RC3H1: variants seen among roughly 807,000 people sequenced by gnomAD.
RC3H1 encodes the protein ring finger and CCCH-type domains 1.
RC3H1 carries 50 observed loss-of-function variants against 138.2 expected under a neutral mutation model. The observed-to-expected ratio is 0.36, with a 90% CI of 0.29 to 0.46. RC3H1 has a LOEUF of 0.46. RC3H1 is among the 20% of genes least tolerant of loss of function. The probability of loss-of-function intolerance (pLI) is 1.00; values close to 1 mark genes in which losing one functional copy is unlikely to be tolerated. For missense variants in RC3H1, 1,031 were observed against 1,388.1 expected, an observed-to-expected ratio of 0.74 and a Z score of 4.09; for synonymous variants, 462 against 489.1, an observed-to-expected ratio of 0.94 and a Z score of 0.73.
rs532727915 is a variant in RC3H1 at position 173,981,550 on chromosome 1, T to C, written c.769-541A>G. On this transcript the variant is annotated intron_variant, in intron 5 of 19. Transcript: ENST00000367696. ...ATTTTTGAAAAGAAAAAAATACTAA[T>C]ACAATTCTATATTCTGAAAAACAAT... Among the ~76,000 whole-genome samples, 5 of 152,350 alleles carry C rather than the reference T, an allele frequency of 3.3e-5. No individual in the cohort carries two copies. The East Asian group carries it at 7.7e-4, about 23-fold the overall frequency.
chr1:173,974,387 C>G (rs1336863711), intron 7 of RC3H1, among the ~76,000 whole-genome samples: 4 of 151,056 alleles, frequency 2.6e-5, no homozygotes, highest in Admixed American at 6.6e-5. Flanking sequence ...AGTGTGCCTA[C>G]TGGAGACTTT....
intron 1 of RC3H1, among the ~76,000 whole-genome samples, chr1:173,997,609 T>G (rs1661485353): frequency 6.6e-6 from 1 of 152,196 alleles, no homozygotes. Flanking sequence ...TTAAATTTTC[T>G]AGTAAAATAG....
chr1:173,937,795 T>A lies in RC3H1; in HGVS notation c.*926A>T, dbSNP rs909929813. 4 of 152,206 alleles carry A rather than the reference T, an allele frequency of 2.6e-5. No individual in the cohort carries two copies. Among genetic ancestry groups the A allele is most frequent in the Non-Finnish European group, 5.9e-5 (4 of 68,036 alleles). 9.4% of individuals were successfully genotyped at this position (152,206 alleles called of 1,614,324 possible). A position where few individuals can be genotyped will look rare whatever the true frequency, so the allele number is the denominator to read the frequency against. On this transcript the variant is annotated 3_prime_UTR_variant, in exon 20 of 20. Coordinates refer to ENST00000367696, the MANE Select transcript of RC3H1 (RefSeq NM_172071.4). ...AGTTGATTGTCCTTGTTTTTTAGCA[T>A]CCTATGATGTCAGCAAAAGTTTAAT...
intron 13 of RC3H1, among the ~76,000 whole-genome samples, chr1:173,952,399 A>AG (rs1659451757): frequency 3.5e-5 from 4 of 113,794 alleles, no homozygotes; most frequent in African/African-American, 1.9e-4. Context: ...CCTTAGCAGA[A>AG]GGTAAAAAAA....
intron 5 of RC3H1, among the ~76,000 whole-genome samples, chr1:173,982,175 T>A (rs546360926): frequency 6.6e-6 from 1 of 151,574 alleles, no homozygotes; most frequent in African/African-American, 2.4e-5. Context: ...AGGTCAGGAG[T>A]TCGAGACCAG....
In RC3H1 at chr1:173,973,304, G is replaced by A. The variant is rs552852227; in HGVS notation, c.1103-677C>T. ...TGTAATCTCAGCACTTTCGCAGGCCGAGGTGGGCAGATCACAAGATCAAGA... is the reference window on the plus strand; with the variant it reads ...TGTAATCTCAGCACTTTCGCAGGCCAAGGTGGGCAGATCACAAGATCAAGA... On this transcript the variant is annotated intron_variant, in intron 7 of 19. Transcript: ENST00000367696. 1.4e-3 allele frequency among the ~76,000 whole-genome samples: 220 copies of A among 152,258 alleles called. 1 individual carries two copies. Among genetic ancestry groups the A allele is most frequent in the Non-Finnish European group, 4.1e-4 (28 of 68,012 alleles).
At position 173,952,011 on chromosome 1, in the gene RC3H1, A is replaced by C. The variant is rs769390410; in HGVS notation, c.2498T>G (p.Val833Gly). The change falls in exon 14 of 20, where the codon GTG becomes GGG. Residue 833 changes from valine (V) to glycine (G), a missense_variant. Coordinates refer to ENST00000367696, the MANE Select transcript of RC3H1 (RefSeq NM_172071.4). ...GTKDAKPKDVVAAGSVEMMNV... is the reference protein window; with the variant it reads ...GTKDAKPKDVGAAGSVEMMNV... ...CATCATTTCCACACTCCCTGCTGCC[A>C]CAACATCTTTGGGTTTTGCATCTTT... The C allele has an allele frequency of 3.7e-6, 6 of 1,608,834 alleles. No homozygotes were observed. Among genetic ancestry groups the C allele is most frequent in the African/African-American group, 1.3e-5 (1 of 74,836 alleles).
intron 1 of RC3H1, among the ~76,000 whole-genome samples, chr1:174,015,368 C>A (rs1557954371): frequency 1.4e-5 from 2 of 142,722 alleles, no homozygotes; most frequent in African/African-American, 2.6e-5. Flanking sequence ...TTCCACTACA[C>A]TTTTTTTTTT....
intron 13 of RC3H1, among the ~76,000 whole-genome samples, chr1:173,954,740 G>C (rs1659560922): frequency 6.6e-6 from 1 of 152,078 alleles, no homozygotes; most frequent in Non-Finnish European, 1.5e-5. Context: ...TGGGTGGATT[G>C]CTTGAGCCCA....
At chr1:173,954,541 T>C (rs1486313430) in intron 13 of RC3H1, among the ~76,000 whole-genome samples, 1 of 152,228 alleles carries the variant, frequency 6.6e-6, no homozygotes, top group Non-Finnish European at 1.5e-5. Context: ...TAATTTACTA[T>C]ATATTTTCTA....
chr1:173,966,350 G>A (rs1367574759), intron 9 of RC3H1, among the ~76,000 whole-genome samples: 3 of 152,124 alleles, frequency 2.0e-5, no homozygotes, highest in Non-Finnish European at 2.9e-5. Context: ...TAAGCCATCA[G>A]ACTCCAGGAT....
chr1:173,956,970 G>C (rs1280883853), intron 13 of RC3H1, among the ~76,000 whole-genome samples: 1 of 151,962 alleles, frequency 6.6e-6, no homozygotes, highest in Non-Finnish European at 1.5e-5. Context: ...CTGGAGTGCA[G>C]TGGTGCGATC....
intron 13 of RC3H1, among the ~76,000 whole-genome samples, chr1:173,954,278 T>C (rs1659541403): frequency 6.6e-6 from 1 of 152,152 alleles, no homozygotes; most frequent in Non-Finnish European, 1.5e-5. Flanking sequence ...TGCAGCAACA[T>C]AGATGAGCCT....
intron 19 of RC3H1, among the ~76,000 whole-genome samples, chr1:173,940,099 T>C (rs186095246): frequency 3.3e-5 from 5 of 152,152 alleles, no homozygotes; most frequent in East Asian, 3.9e-4. Flanking sequence ...TGATATAGGA[T>C]AGACTGAATT....
Position 173,964,880 on chromosome 1 carries a change from T to C in RC3H1, c.1575A>G (p.Ile525Met). ...CAGGAGCACTACTGCTCAGATGATC[T>C]ATTTTTCCTGGTTTCAGACTAGAAT... ...SYDSSLKPGK[I>M]DHLSSSAPGS... is the part of the protein sequence containing the mutation. The change falls in exon 10 of 20, where the codon ATA becomes ATG. Residue 525 changes from isoleucine to methionine, a missense_variant. Physicochemically the swap from Ile to Met is conservative, Grantham distance 10. This residue lies in a region of RC3H1 where 716 missense variants were observed against 837.9 expected (regional missense o/e 0.85). Coordinates refer to ENST00000367696, the MANE Select transcript of RC3H1 (RefSeq NM_172071.4). 6.2e-7 allele frequency: 1 copy of C among 1,614,202 alleles called. No individual in the cohort carries two copies. The highest frequency in any genetic ancestry group is 8.5e-7 in the Non-Finnish European group (1 of 1,180,028).
intron 18 of RC3H1, among the ~76,000 whole-genome samples, chr1:173,942,704 C>T (rs1344965335): frequency 3.3e-5 from 5 of 151,868 alleles, no homozygotes; most frequent in South Asian, 2.1e-4. Context: ...AGGTGGCAGG[C>T]GCCTAGTCCC....
At chr1:174,006,610 T>C (rs1324886691) in intron 1 of RC3H1, among the ~76,000 whole-genome samples, 2 of 152,238 alleles carry the variant, frequency 1.3e-5, no homozygotes, top group African/African-American at 4.8e-5. Flanking sequence ...TTAATAATCA[T>C]TAGTCAGCCA....
intron 6 of RC3H1, among the ~76,000 whole-genome samples, chr1:173,979,841 C>T (rs1660731682): frequency 6.6e-6 from 1 of 152,156 alleles, no homozygotes; most frequent in African/African-American, 2.4e-5. Flanking sequence ...CCAGGGAAGA[C>T]TTATAGAGCA....
intron 13 of RC3H1, among the ~76,000 whole-genome samples, chr1:173,959,980 T>TGC (rs1314266846): frequency 6.6e-6 from 1 of 151,498 alleles, no homozygotes; most frequent in Non-Finnish European, 1.5e-5. Flanking sequence ...TGGTGGTGCG[T>TGC]GCCTGTAATC....
Sources: gnomAD v4.1 joint callset for allele counts (sites outside exome capture counted in the v4.1 genomes callset) on GRCh38, gnomAD v4.1.1 for gene constraint, gnomAD v4.1.1 regional missense constraint, MANE v1.5 for transcripts, NCBI Gene and HGNC (gene_info 2026-07-23, HGNC 2026-07-21) for gene names.